Variants in ASIC2 observed in about 807,000 individuals in gnomAD.
The protein encoded by ASIC2 is acid-sensing ion channel 2.
In ASIC2, 25 loss-of-function variants were observed where a neutral mutation model predicts 57.3. The observed-to-expected ratio is 0.44, with a 90% CI of 0.32 to 0.61. The LOEUF is 0.61. ASIC2 is among the 20% of genes least tolerant of loss of function. ASIC2 has a pLI of 0.06. For synonymous variants in ASIC2, 319 were observed against 307.5 expected (o/e 1.04, Z -0.39); for missense variants, 641 against 738.1 (o/e 0.87, Z 1.52).
chr17:33,086,226 C>T (rs918485666), intron 3 of ASIC2, among the ~76,000 whole-genome samples: 1 of 152,174 alleles, frequency 6.6e-6, no homozygotes, highest in Admixed American at 6.5e-5. Flanking sequence ...TGAAAAATAG[C>T]AGCCTACAGA....
intron 1 of ASIC2, among the ~76,000 whole-genome samples, chr17:33,763,378 T>C (rs1351099460): frequency 1.3e-5 from 2 of 152,222 alleles, no homozygotes; most frequent in East Asian, 3.9e-4. Flanking sequence ...GGTGGGATGC[T>C]AGCTCCCATC....
At position 33,291,889 on chromosome 17, in the gene ASIC2, C is replaced by T. The variant is rs1490810359; in HGVS notation, c.227G>A (p.Arg76His). The part of the protein sequence containing the change: ...LHGLRHMCAG[R>H]TAAGGSFQRR... ...CTGGAAGGAGCCCCCAGCCGCCGTG[C>T]GCCCGGCACACATGTGCCGCAGCCC... is the stretch of plus-strand genomic sequence containing the variant. The change falls in exon 1 of 10, where the codon CGC (arginine) becomes CAC (histidine). Residue 76 changes from arginine (R) to histidine (H), a missense_variant. Coordinates refer to ENST00000225823, the MANE Select transcript of ASIC2 (RefSeq NM_183377.2). The T allele has an allele frequency of 1.2e-6, 2 of 1,603,968 alleles. No homozygotes were observed. Among genetic ancestry groups the T allele is most frequent in the Admixed American group, 1.7e-5 (1 of 59,636 alleles).
At chr17:33,460,625 G>A (rs1912604043) in intron 1 of ASIC2, among the ~76,000 whole-genome samples, 1 of 152,194 alleles carries the variant, frequency 6.6e-6, no homozygotes, top group Non-Finnish European at 1.5e-5. Flanking sequence ...ACAAAGGAAT[G>A]CTTTCTGTTT....
intron 1 of ASIC2, among the ~76,000 whole-genome samples, chr17:33,309,942 C>T (rs1292592854): frequency 6.9e-6 from 1 of 144,922 alleles, no homozygotes; most frequent in Admixed American, 7.1e-5. Context: ...ATGACTCCTC[C>T]CCTCCACCCC....
chr17:33,362,485 T>TG (rs1156749739), intron 1 of ASIC2, among the ~76,000 whole-genome samples: 1 of 152,196 alleles, frequency 6.6e-6, no homozygotes, highest in African/African-American at 2.4e-5. Context: ...AAGCTCTGGA[T>TG]GATGTTGGGG....
chr17:34,088,003 G>T (rs1014356145), intron 1 of ASIC2, among the ~76,000 whole-genome samples: 71 of 152,118 alleles, frequency 4.7e-4, no homozygotes, highest in Admixed American at 7.9e-4. Flanking sequence ...CTGTAGCTTG[G>T]AGTAGTTTGA....
chr17:33,898,980 C>T (rs943391477), intron 1 of ASIC2, among the ~76,000 whole-genome samples: 1 of 152,126 alleles, frequency 6.6e-6, no homozygotes, highest in Non-Finnish European at 1.5e-5. Context: ...CTGTTGCCCG[C>T]TTGCCAAATT....
chr17:33,149,054 G>T (rs1008391656), intron 1 of ASIC2, among the ~76,000 whole-genome samples: 1 of 152,086 alleles, frequency 6.6e-6, no homozygotes, highest in African/African-American at 2.4e-5. Context: ...AGATCATGCT[G>T]CTGCACTCCA....
Position 33,292,130 on chromosome 17 carries a change from G to A in ASIC2, c.-15C>T, listed in dbSNP as rs1004115499. ...ATCCGGCTCATTCATTCAGCCCGCG[G>A]CTGGCGGCAGCGGCGGCGGCCCCGG... On this transcript the variant is annotated 5_prime_UTR_variant, in exon 1 of 10. Coordinates refer to ENST00000225823, the MANE Select transcript of ASIC2 (RefSeq NM_183377.2). 9.6e-6 allele frequency: 10 copies of A among 1,036,700 alleles called. No individual in the cohort carries two copies. Among genetic ancestry groups the A allele is most frequent in the Non-Finnish European group, 1.2e-5 (10 of 865,536 alleles). 64.2% of individuals were successfully genotyped at this position (1,036,700 alleles called of 1,614,324 possible).
intron 1 of ASIC2, among the ~76,000 whole-genome samples, chr17:34,055,585 T>C (rs986181111): frequency 5.9e-5 from 9 of 152,242 alleles, no homozygotes; most frequent in Non-Finnish European, 1.2e-4. Context: ...ACAATGATTG[T>C]GCTTGCCTTT....
At chr17:33,014,382 G>C (rs1413949271) in intron 9 of ASIC2, among the ~76,000 whole-genome samples, 1 of 152,040 alleles carries the variant, frequency 6.6e-6, no homozygotes, top group Non-Finnish European at 1.5e-5. Flanking sequence ...GGGCTGGATG[G>C]TCTGAGTCCT....
intron 1 of ASIC2, among the ~76,000 whole-genome samples, chr17:33,819,879 A>T (rs979122573): frequency 1.3e-5 from 2 of 152,214 alleles, no homozygotes; most frequent in African/African-American, 4.8e-5. Flanking sequence ...GAAGCTGAAA[A>T]TCTAATCTGG....
chr17:33,468,189 C>G (rs1257398448), intron 1 of ASIC2, among the ~76,000 whole-genome samples: 1 of 152,196 alleles, frequency 6.6e-6, no homozygotes, highest in Non-Finnish European at 1.5e-5. Flanking sequence ...CTATTCCACT[C>G]CCCAGCCACG....
At chr17:33,999,092 AC>A (rs1176742022) in intron 1 of ASIC2, among the ~76,000 whole-genome samples, 2 of 152,072 alleles carry the variant, frequency 1.3e-5, no homozygotes, top group Non-Finnish European at 2.9e-5. Context: ...TGATTAATTG[AC>A]CCCCTTATCA....
intron 1 of ASIC2, among the ~76,000 whole-genome samples, chr17:33,335,491 GATGGGTTTCAAACCCAAATACA>G (rs1907477012): frequency 6.6e-6 from 1 of 152,172 alleles, no homozygotes. Flanking sequence ...AAGTGTGGGA[GATGGGTTTCAAACCCAAATACA>G]ATGGGCTTCA....
chr17:33,151,530 T>G (rs1400602184), intron 1 of ASIC2, among the ~76,000 whole-genome samples: 1 of 152,202 alleles, frequency 6.6e-6, no homozygotes, highest in East Asian at 1.9e-4. Flanking sequence ...AGTTCATTCG[T>G]TGGAAACTTA....
chr17:33,404,892 T>G (rs996448798), intron 1 of ASIC2, among the ~76,000 whole-genome samples: 2 of 152,194 alleles, frequency 1.3e-5, no homozygotes, highest in African/African-American at 4.8e-5. Flanking sequence ...TGACCCAATA[T>G]AGCAAGTACC....
At chr17:34,124,266 CTTACTA>C (rs1911708745) in intron 1 of ASIC2, among the ~76,000 whole-genome samples, 1 of 152,130 alleles carries the variant, frequency 6.6e-6, no homozygotes, top group Non-Finnish European at 1.5e-5. Context: ...GGTGACATCA[CTTACTA>C]TTACTATCAT....
chr17:33,406,285 G>A (rs1478918732), intron 1 of ASIC2, among the ~76,000 whole-genome samples: 1 of 152,192 alleles, frequency 6.6e-6, no homozygotes, highest in African/African-American at 2.4e-5. Flanking sequence ...CCACAGACTT[G>A]ATATGAGAAC....
Sources: allele counts gnomAD v4.1 joint callset (sites outside exome capture counted in the v4.1 genomes callset), GRCh38; gene constraint gnomAD v4.1.1; transcripts MANE v1.5; gene names NCBI Gene and HGNC (gene_info 2026-07-23, HGNC 2026-07-21).